Variants in CHST11 observed in about 807,000 individuals in gnomAD.
The protein encoded by CHST11 is carbohydrate sulfotransferase 11.
In CHST11, 9 loss-of-function variants were observed where a neutral mutation model predicts 30.4. The ratio of observed to expected loss-of-function variants is 0.30; its 90% CI spans 0.18 to 0.52. The LOEUF (loss-of-function observed/expected upper bound fraction) is 0.52. Ranked by LOEUF, CHST11 falls within the 20% of genes least tolerant of loss-of-function variation. CHST11 has a pLI of 0.97. For missense variants in CHST11, 348 were observed against 460.6 expected (o/e 0.76, Z 2.24); for synonymous variants, 152 against 187.8 (o/e 0.81, Z 1.56).
chr12:104,643,862 C>T (rs1163936745), intron 2 of CHST11, among the ~76,000 whole-genome samples: 2 of 152,114 alleles, frequency 1.3e-5, no homozygotes, highest in Non-Finnish European at 1.5e-5. Flanking sequence ...AGGGACCTCT[C>T]TAGAACATTT....
intron 1 of CHST11, among the ~76,000 whole-genome samples, chr12:104,535,022 TG>T (rs1015957956): frequency 6.6e-6 from 1 of 152,234 alleles, no homozygotes; most frequent in Non-Finnish European, 1.5e-5. Context: ...GAAACCCCTG[TG>T]GCAAAGATTC....
In CHST11 at chr12:104,687,426, C is replaced by T. The variant is rs550557669; in HGVS notation, c.205-69523C>T. Among the ~76,000 whole-genome samples, 388 of 152,336 alleles carry T rather than the reference C, an allele frequency of 2.5e-3. 3 individuals are homozygous for T. Among genetic ancestry groups the T allele is most frequent in the African/African-American group, 8.4e-3 (349 of 41,574 alleles). On this transcript the variant is annotated intron_variant, in intron 2 of 2. Transcript: ENST00000303694. The stretch of plus-strand genomic sequence containing the variant: ...ACTATGTACCACACACCATGTGAAG[C>T]GCTTTACCTGAGTTATCTCATCTCA...
intron 2 of CHST11, among the ~76,000 whole-genome samples, chr12:104,647,369 C>G (rs1187395153): frequency 6.6e-6 from 1 of 152,060 alleles, no homozygotes; most frequent in Non-Finnish European, 1.5e-5. Context: ...TAAAAAATGC[C>G]AGGAAATCTA....
intron 2 of CHST11, among the ~76,000 whole-genome samples, chr12:104,652,940 G>A (rs2039507263): frequency 6.6e-6 from 1 of 152,070 alleles, no homozygotes; most frequent in Non-Finnish European, 1.5e-5. Context: ...CTTCACCTTG[G>A]GCCTAATGAC....
At chr12:104,555,681 A>G (rs1440152156) in intron 1 of CHST11, among the ~76,000 whole-genome samples, 1 of 152,206 alleles carries the variant, frequency 6.6e-6, no homozygotes, top group Non-Finnish European at 1.5e-5. Flanking sequence ...TAAGCTCCTC[A>G]TGGCCATGCC....
chr12:104,544,138 A>AAAAAAGAAAGAAAGAAAGAAAG (rs1555231335), intron 1 of CHST11, among the ~76,000 whole-genome samples: 1 of 71,726 alleles, frequency 1.4e-5, no homozygotes, highest in Admixed American at 1.7e-4. Context: ...AAAAAAAAAA[A>AAAAAAGAAAGAAAGAAAGAAAG]AAAGAAAGAA....
intron 1 of CHST11, among the ~76,000 whole-genome samples, chr12:104,569,798 C>T (rs1182772664): frequency 6.6e-6 from 1 of 152,172 alleles, no homozygotes; most frequent in Non-Finnish European, 1.5e-5. Flanking sequence ...GCACCATTGA[C>T]CATGCTGCAC....
At chr12:104,710,593 C>T (rs1208792563) in intron 2 of CHST11, among the ~76,000 whole-genome samples, 1 of 152,164 alleles carries the variant, frequency 6.6e-6, no homozygotes, top group Non-Finnish European at 1.5e-5. Context: ...CTACATTCAT[C>T]TTCTTCCTGG....
At chr12:104,585,737 T>C (rs1650140) in intron 1 of CHST11, among the ~76,000 whole-genome samples, 131,947 of 152,246 alleles carry the variant, frequency 0.87, 57,402 homozygotes, top group East Asian at 1. Flanking sequence ...TGTTCTCCCA[T>C]GGTTCTAAAG....
intron 2 of CHST11, among the ~76,000 whole-genome samples, chr12:104,636,519 G>A (rs972225134): frequency 1.3e-5 from 2 of 152,128 alleles, no homozygotes. Context: ...CACCTTTTGT[G>A]GCCTTCAGGT....
chr12:104,650,283 G>A (rs2039478041), intron 2 of CHST11, among the ~76,000 whole-genome samples: 1 of 152,156 alleles, frequency 6.6e-6, no homozygotes, highest in African/African-American at 2.4e-5. Flanking sequence ...CTGGAGAGTG[G>A]CCAAAAGCCC....
At chr12:104,513,472 A>G (rs1275891737) in intron 1 of CHST11, among the ~76,000 whole-genome samples, 1 of 152,206 alleles carries the variant, frequency 6.6e-6, no homozygotes, top group African/African-American at 2.4e-5. Flanking sequence ...TGGCTTAGGT[A>G]CTAACATATA....
At chr12:104,628,809 C>T (rs988991586) in intron 2 of CHST11, among the ~76,000 whole-genome samples, 1 of 152,212 alleles carries the variant, frequency 6.6e-6, no homozygotes, top group Non-Finnish European at 1.5e-5. Context: ...ACATGTTCCT[C>T]TAATACCCTT....
intron 2 of CHST11, among the ~76,000 whole-genome samples, chr12:104,613,963 T>G (rs2039084515): frequency 6.6e-6 from 1 of 152,262 alleles, no homozygotes; most frequent in African/African-American, 2.4e-5. Context: ...ATTCTGGAGA[T>G]CTAATGCACA....
intron 2 of CHST11, among the ~76,000 whole-genome samples, chr12:104,658,620 AACTCTGG>A (rs1420754292): frequency 2.6e-5 from 4 of 152,136 alleles, no homozygotes; most frequent in Non-Finnish European, 5.9e-5. Flanking sequence ...TGGGGACCGT[AACTCTGG>A]CACTTCCTAG....
intron 1 of CHST11, among the ~76,000 whole-genome samples, chr12:104,476,754 A>G (rs962424208): frequency 6.6e-6 from 1 of 151,820 alleles, no homozygotes; most frequent in African/African-American, 2.4e-5. Flanking sequence ...CCATCTTACT[A>G]TATCCCAGCT....
At chr12:104,687,252 G>T (rs917503725) in intron 2 of CHST11, among the ~76,000 whole-genome samples, 1 of 152,236 alleles carries the variant, frequency 6.6e-6, no homozygotes, top group Non-Finnish European at 1.5e-5. Flanking sequence ...TTTACACCTT[G>T]TTCTCATTTG....
Position 104,457,337 on chromosome 12 carries a change from G to A in CHST11, c.-75G>A. 1 of 1,070,606 alleles carries A rather than the reference G, an allele frequency of 9.3e-7. No individual in the cohort carries two copies. The allele number at this position is 1,070,606 out of a possible 1,614,324, so 66.3% of individuals were successfully genotyped here. A position where few individuals can be genotyped will look rare whatever the true frequency, so the allele number is the denominator to read the frequency against. ...CCCCGCGCCTCCCGGGCTCCGGTCC[G>A]CGCGGCGGGGTCCCTGCTCCTGCGC... is the stretch of plus-strand genomic sequence containing the variant. On this transcript the variant is annotated 5_prime_UTR_variant, in exon 1 of 3. Transcript: ENST00000303694.
At chr12:104,725,163 T>A (rs917817705) in intron 2 of CHST11, among the ~76,000 whole-genome samples, 1 of 152,196 alleles carries the variant, frequency 6.6e-6, no homozygotes, top group African/African-American at 2.4e-5. Context: ...ATGTGGATAA[T>A]AATGGTTCCC....
Sources: gnomAD v4.1 joint callset for allele counts (sites outside exome capture counted in the v4.1 genomes callset) on GRCh38, gnomAD v4.1.1 for gene constraint, MANE v1.5 for transcripts, NCBI Gene and HGNC (gene_info 2026-07-23, HGNC 2026-07-21) for gene names.